ERC2: variants seen among roughly 807,000 people sequenced by gnomAD.
ERC2 encodes the protein ERC protein 2.
Under a neutral mutation model 114.8 loss-of-function variants are expected in ERC2, and 42 were observed. The observed-to-expected ratio is 0.37, with a 90% CI of 0.29 to 0.47. ERC2 has a LOEUF of 0.47. Ranked by LOEUF, ERC2 falls within the 20% of genes least tolerant of loss-of-function variation. The probability of loss-of-function intolerance (pLI) is 0.99; values close to 1 mark genes in which losing one functional copy is unlikely to be tolerated. For missense variants in ERC2, 939 were observed against 1,150.7 expected, an observed-to-expected ratio of 0.82 and a Z score of 2.66; for synonymous variants, 454 against 425.5, an observed-to-expected ratio of 1.07 and a Z score of -0.82.
At chr3:55,958,389 G>A (rs182511511) in intron 12 of ERC2, among the ~76,000 whole-genome samples, 1 of 152,170 alleles carries the variant, frequency 6.6e-6, no homozygotes, top group Non-Finnish European at 1.5e-5. Context: ...GTGGCCATGG[G>A]CAGGCCCAGA....
chr3:56,162,294 T>G (rs1441741323), intron 4 of ERC2, among the ~76,000 whole-genome samples: 1 of 152,158 alleles, frequency 6.6e-6, no homozygotes, highest in African/African-American at 2.4e-5. Flanking sequence ...AGTATTTTGT[T>G]GAGGATTTTT....
intron 2 of ERC2, among the ~76,000 whole-genome samples, chr3:56,336,459 G>C (rs191983845): frequency 1.6e-3 from 240 of 152,230 alleles, no homozygotes; most frequent in African/African-American, 5.6e-3. Flanking sequence ...ATGAATGGGG[G>C]TGTGGTGATG....
chr3:55,562,306 C>G (rs377049815), intron 17 of ERC2, among the ~76,000 whole-genome samples: 24 of 152,170 alleles, frequency 1.6e-4, no homozygotes, highest in African/African-American at 5.8e-4. Context: ...TTGCCCGCCA[C>G]CATGCCCAGC....
Position 56,158,809 on chromosome 3 carries a change from T to C in ERC2, c.1150-9677A>G, listed in dbSNP as rs554891533. Among the ~76,000 whole-genome samples the C allele has an allele frequency of 2.3e-4, 10 of 44,068 alleles. No individual in the cohort carries two copies. In the East Asian group the frequency reaches 0.019, roughly 86 times the overall value. The allele number at this position is 44,068 out of a possible 152,430, so 28.9% of individuals were successfully genotyped here. ...TATGGCTTTTCTTTTAACAAACTTG[T>C]TTTTTTTCAAAATAATAATTCCTGA... On this transcript the variant is annotated intron_variant, in intron 4 of 17. Coordinates refer to ENST00000288221, the MANE Select transcript of ERC2 (RefSeq NM_015576.3).
intron 3 of ERC2, among the ~76,000 whole-genome samples, chr3:56,245,194 TTAATA>T (rs771574225): frequency 4.0e-5 from 6 of 150,464 alleles, no homozygotes; most frequent in Admixed American, 4.0e-4. Context: ...ATATATATAT[TTAATA>T]TAATATAAAT....
At chr3:55,869,238 G>A (rs758386432) in intron 14 of ERC2, among the ~76,000 whole-genome samples, 10 of 152,108 alleles carry the variant, frequency 6.6e-5, no homozygotes, top group Non-Finnish European at 1.3e-4. Flanking sequence ...GAAAAAGGGG[G>A]TCTCTAGCCC....
chr3:56,235,923 A>G (rs987177890), intron 3 of ERC2, among the ~76,000 whole-genome samples: 4 of 152,192 alleles, frequency 2.6e-5, no homozygotes, highest in African/African-American at 9.7e-5. Flanking sequence ...TGAATCCTAC[A>G]GACATATCAG....
intron 7 of ERC2, among the ~76,000 whole-genome samples, chr3:56,050,427 C>T (rs1415506749): frequency 2.0e-5 from 3 of 152,074 alleles, no homozygotes; most frequent in Non-Finnish European, 4.4e-5. Context: ...GTTTCATAAG[C>T]AAAAGGCAAT....
chr3:56,319,540 T>G (rs1186419417), intron 2 of ERC2, among the ~76,000 whole-genome samples: 1 of 152,166 alleles, frequency 6.6e-6, no homozygotes, highest in African/African-American at 2.4e-5. Flanking sequence ...GGGTAAATTC[T>G]AGAGCTCTGC....
At chr3:55,856,666 A>G (rs1424563991) in intron 14 of ERC2, among the ~76,000 whole-genome samples, 1 of 152,228 alleles carries the variant, frequency 6.6e-6, no homozygotes, top group Non-Finnish European at 1.5e-5. Flanking sequence ...AAAGAAAAAT[A>G]TCTATACCCA....
At position 56,420,271 on chromosome 3, in the gene ERC2, A is replaced by T. The variant is rs561347586; in HGVS notation, c.657+14080T>A. On this transcript the variant is annotated intron_variant, in intron 2 of 17. Coordinates refer to ENST00000288221, the MANE Select transcript of ERC2 (RefSeq NM_015576.3). ...ATGAACACAGCTCACTGCAGGCATG[A>T]CCTCCTAGGTTCAAGTGATCCTCCC... 3.6e-5 allele frequency among the ~76,000 whole-genome samples: 5 copies of T among 137,204 alleles called. No individual in the cohort carries two copies. The South Asian group carries it at 1.2e-3, about 32-fold the overall frequency. The allele number at this position is 137,204 out of a possible 152,430, so 90.0% of individuals were successfully genotyped here. A position where few individuals can be genotyped will look rare whatever the true frequency, so the allele number is the denominator to read the frequency against.
Position 55,899,493 on chromosome 3 carries a change from G to A in ERC2, c.2404-10944C>T, listed in dbSNP as rs75673584. 4.6e-4 allele frequency among the ~76,000 whole-genome samples: 70 copies of A among 152,146 alleles called. No individual in the cohort carries two copies. In the South Asian group the frequency reaches 9.5e-3, roughly 21 times the overall value. On this transcript the variant is annotated intron_variant, in intron 13 of 17. Transcript: ENST00000288221. ...ATTAGTTACAAAAATTATGGAATAC[G>A]TGTGTGAGTGTGTGTGTGTGAGAGA...
chr3:55,619,138 C>T (rs1037963979), intron 17 of ERC2, among the ~76,000 whole-genome samples: 1 of 152,194 alleles, frequency 6.6e-6, no homozygotes, highest in African/African-American at 2.4e-5. Context: ...CTTAATAAAA[C>T]AGGAACAGTT....
At chr3:55,675,903 C>CTTTCTTTTTT (rs2061776233) in intron 17 of ERC2, among the ~76,000 whole-genome samples, 2 of 47,994 alleles carry the variant, frequency 4.2e-5, no homozygotes, top group African/African-American at 9.5e-5. Context: ...TCTTTTCTTT[C>CTTTCTTTTTT]TTTTTTTTTT....
At chr3:55,848,255 T>C (rs1053007076) in intron 14 of ERC2, among the ~76,000 whole-genome samples, 1 of 152,240 alleles carries the variant, frequency 6.6e-6, no homozygotes, top group African/African-American at 2.4e-5. Flanking sequence ...TCTGTTTCCA[T>C]ATCCTATTAA....
intron 3 of ERC2, among the ~76,000 whole-genome samples, chr3:56,215,626 C>T (rs2049410347): frequency 1.3e-5 from 2 of 152,176 alleles, no homozygotes; most frequent in Admixed American, 1.3e-4. Context: ...TTGAACTCAG[C>T]TCTGCACCAA....
At position 55,812,652 on chromosome 3, in the gene ERC2, G is replaced by A. The variant is rs56759127; in HGVS notation, c.2564+75737C>T. ...AGGGAGGATCTACTTAAAAGCGGGG[G>A]AAGGGAGCATTCCAAGCACAGAGAG... is the stretch of plus-strand genomic sequence containing the variant. On this transcript the variant is annotated intron_variant, in intron 14 of 17. Coordinates refer to ENST00000288221, the MANE Select transcript of ERC2 (RefSeq NM_015576.3). 6.4e-3 allele frequency among the ~76,000 whole-genome samples: 971 copies of A among 152,322 alleles called. 7 individuals carry two copies. Among genetic ancestry groups the A allele is most frequent in the African/African-American group, 0.023 (937 of 41,572 alleles).
At chr3:55,537,174 C>T (rs1009585626) in intron 17 of ERC2, among the ~76,000 whole-genome samples, 8 of 152,170 alleles carry the variant, frequency 5.3e-5, no homozygotes, top group Admixed American at 2.0e-4. Context: ...TGCAGACCAG[C>T]GGGGCTGGCC....
At chr3:56,273,720 GC>G (rs2053813523) in intron 3 of ERC2, among the ~76,000 whole-genome samples, 1 of 152,094 alleles carries the variant, frequency 6.6e-6, no homozygotes, top group South Asian at 2.1e-4. Context: ...GCTGCCACTA[GC>G]CCATATGACT....
Sources: gnomAD v4.1 joint callset for allele counts (sites outside exome capture counted in the v4.1 genomes callset) on GRCh38, gnomAD v4.1.1 for gene constraint, MANE v1.5 for transcripts, NCBI Gene and HGNC (gene_info 2026-07-23, HGNC 2026-07-21) for gene names.